The following NFIB variants were observed in gnomAD, a reference collection of about 807,000 sequenced individuals.
NFIB encodes the protein nuclear factor 1 B-type.
In NFIB, 11 loss-of-function variants were observed where a neutral mutation model predicts 61.5. That is an observed-to-expected ratio of 0.18 (90% CI 0.11 to 0.30). The LOEUF is 0.30. NFIB is among the 10% of genes least tolerant of loss of function. The probability of loss-of-function intolerance (pLI) is 1.00; values close to 1 mark genes in which losing one functional copy is unlikely to be tolerated. For missense variants in NFIB, 471 were observed against 608.9 expected (o/e 0.77, Z 2.38); for synonymous variants, 260 against 216.5 (o/e 1.20, Z -1.76).
chr9:14,142,841 C>T (rs2131068588), intron 6 of NFIB, among the ~76,000 whole-genome samples: 1 of 152,098 alleles, frequency 6.6e-6, no homozygotes, highest in South Asian at 2.1e-4. Flanking sequence ...AGTTTAAGAC[C>T]AGGATTTACA....
intron 10 of NFIB, among the ~76,000 whole-genome samples, chr9:14,097,649 TACAC>T (rs1421023543): frequency 1.3e-5 from 2 of 151,930 alleles, no homozygotes; most frequent in Non-Finnish European, 2.9e-5. Context: ...TATAGATGCA[TACAC>T]ACACAAACAC....
the NFIB span, among the ~76,000 whole-genome samples, chr9:14,499,895 T>G: frequency 6.6e-6 from 1 of 152,314 alleles, no homozygotes; most frequent in Admixed American, 6.5e-5. Flanking sequence ...TCAATCACCC[T>G]TAAAAGAGCA....
chr9:14,133,389 G>A (rs1224671338), intron 6 of NFIB, among the ~76,000 whole-genome samples: 1 of 152,116 alleles, frequency 6.6e-6, no homozygotes, highest in Non-Finnish European at 1.5e-5. Flanking sequence ...TTGGGTGGAA[G>A]CTGGAAGACA....
At chr9:14,286,864 T>C (rs1478803444) in intron 2 of NFIB, among the ~76,000 whole-genome samples, 1 of 152,160 alleles carries the variant, frequency 6.6e-6, no homozygotes, top group African/African-American at 2.4e-5. Flanking sequence ...TTTTTAAATG[T>C]CAGTGTTCAT....
chr9:14,089,722 T>G (rs2033554227), intron 10 of NFIB, among the ~76,000 whole-genome samples: 1 of 152,188 alleles, frequency 6.6e-6, no homozygotes, highest in Admixed American at 6.5e-5. Context: ...GCACTATTGT[T>G]GTAGCTATCA....
At chr9:14,454,035 C>T in the NFIB span, among the ~76,000 whole-genome samples, 890 of 152,142 alleles carry the variant, frequency 5.8e-3, 8 homozygotes, top group African/African-American at 0.02. Context: ...CGCCACTGCA[C>T]TCCAGCCTGG....
chr9:14,315,735 C>A (rs935003394), upstream of NFIB, among the ~76,000 whole-genome samples: 3 of 151,672 alleles, frequency 2.0e-5, no homozygotes, highest in Non-Finnish European at 4.4e-5. Context: ...CCTTTCTGCA[C>A]CCCCCGCCCA....
chr9:14,450,586 T>A, the NFIB span, among the ~76,000 whole-genome samples: 4 of 152,168 alleles, frequency 2.6e-5, no homozygotes, highest in African/African-American at 9.6e-5. Context: ...TGCTCAGTTC[T>A]AACTAAGTGC....
the NFIB span, among the ~76,000 whole-genome samples, chr9:14,529,675 C>A: frequency 6.6e-6 from 1 of 152,124 alleles, no homozygotes; most frequent in Non-Finnish European, 1.5e-5. Context: ...TTTTCAATGA[C>A]ACATTAAATA....
chr9:14,123,644 C>G (rs1357052153), intron 7 of NFIB, among the ~76,000 whole-genome samples: 1 of 152,218 alleles, frequency 6.6e-6, no homozygotes, highest in Non-Finnish European at 1.5e-5. Flanking sequence ...TGGCAGTTGC[C>G]TGCTGCAATG....
intron 1 of NFIB, among the ~76,000 whole-genome samples, chr9:14,332,530 A>C (rs1469004962): frequency 1.3e-5 from 2 of 152,046 alleles, no homozygotes; most frequent in African/African-American, 2.4e-5. Context: ...ATATTTATGG[A>C]GCACCTCCCC....
upstream of NFIB, among the ~76,000 whole-genome samples, chr9:14,401,327 A>C (rs2061741021): frequency 6.6e-6 from 1 of 152,174 alleles, no homozygotes; most frequent in South Asian, 2.1e-4. Flanking sequence ...AACTGAAATC[A>C]ATCTTGTGGC....
chr9:14,518,579 T>C, the NFIB span, among the ~76,000 whole-genome samples: 8 of 151,822 alleles, frequency 5.3e-5, no homozygotes, highest in African/African-American at 1.9e-4. Context: ...AAGTTATCTG[T>C]TAGGTCCACC....
chr9:14,369,060 T>C (rs2061331077), intron 1 of NFIB, among the ~76,000 whole-genome samples: 1 of 152,186 alleles, frequency 6.6e-6, no homozygotes, highest in South Asian at 2.1e-4. Context: ...TCTAGTAGTT[T>C]TACAGAAAAG....
At chr9:14,469,667 C>G in the NFIB span, among the ~76,000 whole-genome samples, 4 of 152,176 alleles carry the variant, frequency 2.6e-5, no homozygotes, top group Non-Finnish European at 4.4e-5. Flanking sequence ...CTCCCTCTTT[C>G]TACCACTGTC....
At chr9:14,372,856 A>G (rs914256250) in intron 1 of NFIB, among the ~76,000 whole-genome samples, 2 of 152,204 alleles carry the variant, frequency 1.3e-5, no homozygotes, top group Non-Finnish European at 2.9e-5. Context: ...AATCACTCAG[A>G]GAAGAATAAA....
the NFIB span, among the ~76,000 whole-genome samples, chr9:14,495,123 T>C: frequency 6.6e-6 from 1 of 152,226 alleles, no homozygotes; most frequent in South Asian, 2.1e-4. Flanking sequence ...TACTTGTTCC[T>C]TTCTCTATTC....
chr9:14,303,817 A>G (rs1000592225), intron 2 of NFIB, among the ~76,000 whole-genome samples: 3 of 152,230 alleles, frequency 2.0e-5, no homozygotes, highest in Non-Finnish European at 2.9e-5. Context: ...TGTAGCAACG[A>G]AACAGCCGAA....
chr9:14,107,999 G>A (rs1256742623), intron 10 of NFIB, among the ~76,000 whole-genome samples: 11 of 152,056 alleles, frequency 7.2e-5, no homozygotes, highest in Non-Finnish European at 1.6e-4. Flanking sequence ...AACAAACCAG[G>A]GAATGACAAA....
Sources: allele counts gnomAD v4.1 joint callset (sites outside exome capture counted in the v4.1 genomes callset), GRCh38; gene constraint gnomAD v4.1.1; transcripts MANE v1.5; gene names NCBI Gene and HGNC (gene_info 2026-07-23, HGNC 2026-07-21).